The following LYZL4 variants were observed in gnomAD, a reference collection of about 807,000 sequenced individuals.
LYZL4 encodes the protein lysozyme-like protein 4.
Under a neutral mutation model 17.6 loss-of-function variants are expected in LYZL4, and 13 were observed. That is an observed-to-expected ratio of 0.74 (90% confidence interval 0.48 to 1.18). LYZL4 has a LOEUF of 1.18. Among genes scored for constraint, LYZL4 ranks in the 50% most tolerant of loss-of-function variants. The pLI is 0.00. For missense variants in LYZL4, 174 were observed against 188.2 expected, an observed-to-expected ratio of 0.92 and a Z score of 0.44; for synonymous variants, 64 against 67.7, an observed-to-expected ratio of 0.95 and a Z score of 0.27.
Position 42,397,316 on chromosome 3 carries a change from G to A in LYZL4, c.390C>T (p.Tyr130=). ...GTGCCAGGGTATCGGAGTACTGGCA[G>A]TACCGGGACCAGGTGGGCCTGTGGA... The part of the protein sequence containing the change: ...GMGAWPTWSR[Y]CQYSDTLARW... The change falls in exon 5 of 5, where the codon TAC becomes TAT. Residue 130 remains tyrosine (Y), a synonymous_variant. Coordinates refer to ENST00000287748, the MANE Select transcript of LYZL4 (RefSeq NM_144634.4). The A allele has an allele frequency of 1.9e-6, 3 of 1,573,402 alleles. No individual in the cohort carries two copies. The highest frequency in any genetic ancestry group is 1.2e-5 in the South Asian group (1 of 85,288).
At chr3:42,399,090 T>C (rs1577151567) in intron 4 of LYZL4, among the ~76,000 whole-genome samples, 1 of 152,320 alleles carries the variant, frequency 6.6e-6, no homozygotes. Context: ...CATGAAAACA[T>C]GTTCAACTTC....
the LYZL4 span, among the ~76,000 whole-genome samples, chr3:42,377,024 C>G: frequency 6.6e-6 from 1 of 152,070 alleles, no homozygotes; most frequent in Non-Finnish European, 1.5e-5. Context: ...ATAAATCTTC[C>G]AGAATTTTTA....
At chr3:42,390,859 G>A in the LYZL4 span, among the ~76,000 whole-genome samples, 7 of 152,238 alleles carry the variant, frequency 4.6e-5, no homozygotes, top group Admixed American at 6.5e-5. Context: ...GAGTTACTTT[G>A]GAACAAGATG....
chr3:42,384,388 A>C, the LYZL4 span, among the ~76,000 whole-genome samples: 1 of 152,280 alleles, frequency 6.6e-6, no homozygotes, highest in Admixed American at 6.5e-5. Context: ...AAGGGATCTC[A>C]GGAGAGAGGT....
chr3:42,395,074 T>C (rs1698533197), downstream of LYZL4, among the ~76,000 whole-genome samples: 4 of 152,222 alleles, frequency 2.6e-5, no homozygotes, highest in South Asian at 2.1e-4. Flanking sequence ...TTGGGGAATA[T>C]AGAATACCCT....
At chr3:42,375,373 C>T in the LYZL4 span, among the ~76,000 whole-genome samples, 2,477 of 152,340 alleles carry the variant, frequency 0.016, 31 homozygotes, top group Non-Finnish European at 0.024. Flanking sequence ...GCCCTGGTTA[C>T]TTTACCTAAA....
chr3:42,369,446 C>G, the LYZL4 span, among the ~76,000 whole-genome samples: 1 of 152,250 alleles, frequency 6.6e-6, no homozygotes, highest in African/African-American at 2.4e-5. Context: ...GTGAGGCTGT[C>G]ACCTAGCAAC....
chr3:42,364,866 G>T, the LYZL4 span, among the ~76,000 whole-genome samples: 1 of 152,176 alleles, frequency 6.6e-6, no homozygotes, highest in South Asian at 2.1e-4. Context: ...GTAATAAGCT[G>T]CCTAAGTCTA....
At chr3:42,400,878 A>G (rs1698640414) in intron 4 of LYZL4, among the ~76,000 whole-genome samples, 1 of 152,192 alleles carries the variant, frequency 6.6e-6, no homozygotes, top group South Asian at 2.1e-4. Context: ...TGGAGATGGT[A>G]GCAGTGTAAG....
rs1297484213 is a variant in LYZL4, at chr3:42,397,164, A to C, written c.*101T>G. On this transcript the variant is annotated 3_prime_UTR_variant, in exon 5 of 5. Coordinates refer to ENST00000287748, the MANE Select transcript of LYZL4 (RefSeq NM_144634.4). ...TGTCTTTTTCCATCTGGAACTCTTA[A>C]AGTGGTGAGATCATCAAAAGGATTG... is the stretch of plus-strand genomic sequence containing the variant. 2 of 831,906 alleles carry C rather than the reference A, an allele frequency of 2.4e-6. No homozygotes were observed. The highest frequency in any genetic ancestry group is 3.4e-5 in the African/African-American group (2 of 58,704). 51.5% of individuals were successfully genotyped at this position (831,906 alleles called of 1,614,324 possible). A position where few individuals can be genotyped will look rare whatever the true frequency, so the allele number is the denominator to read the frequency against.
chr3:42,403,264 C>A (rs1449853334), intron 4 of LYZL4, among the ~76,000 whole-genome samples: 1 of 150,856 alleles, frequency 6.6e-6, no homozygotes, highest in Non-Finnish European at 1.5e-5. Flanking sequence ...TTATTATCCA[C>A]CTTTTTTTTT....
the LYZL4 span, among the ~76,000 whole-genome samples, chr3:42,375,681 G>A: frequency 1.3e-5 from 2 of 152,130 alleles, no homozygotes; most frequent in African/African-American, 4.8e-5. Flanking sequence ...ACACATTCAT[G>A]AAAATATGCT....
the LYZL4 span, among the ~76,000 whole-genome samples, chr3:42,389,646 A>C: frequency 6.6e-6 from 1 of 152,168 alleles, no homozygotes; most frequent in African/African-American, 2.4e-5. Context: ...TGACTGTAGG[A>C]GACCACATGA....
At chr3:42,394,044 C>A (rs1031284968), downstream of LYZL4, among the ~76,000 whole-genome samples, 1 of 152,200 alleles carries the variant, frequency 6.6e-6, no homozygotes, top group African/African-American at 2.4e-5. Flanking sequence ...CCGCTCACCT[C>A]GGCCTCCCAG....
At chr3:42,371,926 T>A in the LYZL4 span, among the ~76,000 whole-genome samples, 1 of 152,210 alleles carries the variant, frequency 6.6e-6, no homozygotes, top group Non-Finnish European at 1.5e-5. Context: ...AGCCTGTTAA[T>A]AGGGCGGGCA....
At chr3:42,394,702 C>T (rs1698528274), downstream of LYZL4, among the ~76,000 whole-genome samples, 1 of 152,164 alleles carries the variant, frequency 6.6e-6, no homozygotes, top group South Asian at 2.1e-4. Context: ...TATCAGTGGG[C>T]TTGGGCAACC....
chr3:42,391,098 C>T, the LYZL4 span, among the ~76,000 whole-genome samples: 2 of 152,132 alleles, frequency 1.3e-5, no homozygotes, highest in African/African-American at 4.8e-5. Flanking sequence ...TGTGACCCAG[C>T]ATTGTGAGGA....
At position 42,407,166 on chromosome 3, in the gene LYZL4, T is replaced by C. The variant is rs1204601039; in HGVS notation, c.86A>G (p.Lys29Arg). ...AYILGRCTVA[K>R]KLHDGGLDYF... ...ATCCAGGCCTCCATCGTGGAGTTTC[T>C]TAGCCACTGTGCAACGCCCCAAGAT... Residue 29 changes from lysine (K) to arginine (R), a missense_variant, in exon 2 of 5, where the codon AAG (lysine) becomes AGG (arginine). Lys to Arg is a conservative substitution (Grantham distance 26). Transcript: ENST00000287748. 1 of 1,614,190 alleles carries C rather than the reference T, an allele frequency of 6.2e-7. No individual in the cohort carries two copies. The highest frequency in any genetic ancestry group is 8.5e-7 in the Non-Finnish European group (1 of 1,180,034).
At chr3:42,384,089 C>T in the LYZL4 span, among the ~76,000 whole-genome samples, 1 of 152,160 alleles carries the variant, frequency 6.6e-6, no homozygotes, top group African/African-American at 2.4e-5. Flanking sequence ...AATCCTACAA[C>T]CTTCCAGAAA....
Sources: gnomAD v4.1 joint callset for allele counts (sites outside exome capture counted in the v4.1 genomes callset) on GRCh38, gnomAD v4.1.1 for gene constraint, MANE v1.5 for transcripts, NCBI Gene and HGNC (gene_info 2026-07-23, HGNC 2026-07-21) for gene names.